The following GMDS variants were observed in gnomAD, a reference collection of about 807,000 sequenced individuals.
The protein encoded by GMDS is GDP-mannose 4,6-dehydratase.
GMDS carries 20 observed loss-of-function variants against 49.9 expected under a neutral mutation model. The observed-to-expected ratio is 0.40, with a 90% CI of 0.28 to 0.58. GMDS has a LOEUF of 0.58. Ranked by LOEUF, GMDS falls within the 20% of genes least tolerant of loss-of-function variation. The pLI is 0.42. For missense variants in GMDS, 362 were observed against 481.4 expected, an observed-to-expected ratio of 0.75 and a Z score of 2.32; for synonymous variants, 177 against 178.6, an observed-to-expected ratio of 0.99 and a Z score of 0.07.
At chr6:1,947,500 CT>C (rs1262212745) in intron 6 of GMDS, among the ~76,000 whole-genome samples, 3 of 152,168 alleles carry the variant, frequency 2.0e-5, no homozygotes, top group Non-Finnish European at 4.4e-5. Context: ...GAAAACCCAC[CT>C]TTCTTGCTGC....
chr6:2,023,290 C>T (rs1454533103), intron 4 of GMDS, among the ~76,000 whole-genome samples: 4 of 152,198 alleles, frequency 2.6e-5, no homozygotes, highest in African/African-American at 4.8e-5. Context: ...TACATATACT[C>T]GAACCTCTTT....
chr6:1,906,048 C>A (rs1424689650), intron 7 of GMDS, among the ~76,000 whole-genome samples: 1 of 151,682 alleles, frequency 6.6e-6, no homozygotes, highest in Non-Finnish European at 1.5e-5. Context: ...AAAAACGATA[C>A]AATGATCTTT....
In GMDS at chr6:1,624,486, G is replaced by A; in HGVS notation, c.1042C>T (p.Arg348Trp). 6.2e-7 allele frequency: 1 copy of A among 1,613,542 alleles called. No homozygotes were observed. Among genetic ancestry groups the A allele is most frequent in the Non-Finnish European group, 8.5e-7 (1 of 1,179,512 alleles). Residue 348 changes from arginine to tryptophan, a missense_variant, in exon 10 of 11, where the codon CGG becomes TGG. Transcript: ENST00000380815. ...KAKQKLNWKPRVAFDELVREM... is the reference protein window; with the variant it reads ...KAKQKLNWKPWVAFDELVREM... The stretch of plus-strand genomic sequence containing the variant: ...GAGATACTCACATCGAAAGCGACCC[G>A]GGGCTTCCAGTTCAGCTTCTGTTTC...
chr6:1,704,387 G>C (rs1301968143), intron 9 of GMDS, among the ~76,000 whole-genome samples: 1 of 152,096 alleles, frequency 6.6e-6, no homozygotes, highest in Admixed American at 6.5e-5. Context: ...GGGCTCCATG[G>C]GGGTGGGCAA....
chr6:1,730,054 C>T (rs916095145), intron 8 of GMDS, among the ~76,000 whole-genome samples: 5 of 151,792 alleles, frequency 3.3e-5, no homozygotes, highest in Non-Finnish European at 7.4e-5. Flanking sequence ...CTAAGTGGGG[C>T]GGGGGCAACA....
At position 1,975,662 on chromosome 6, in the gene GMDS, T is replaced by C. The variant is rs1280230593; in HGVS notation, c.346-14696A>G. On this transcript the variant is annotated intron_variant, in intron 4 of 10. Coordinates refer to ENST00000380815, the MANE Select transcript of GMDS (RefSeq NM_001500.4). ...GAAAAGTAGAAAGTCACATTAGGAATAGGAAACTGCAAGATCTCTTGGGGC... is the reference window on the plus strand; with the variant it reads ...GAAAAGTAGAAAGTCACATTAGGAACAGGAAACTGCAAGATCTCTTGGGGC... Among the ~76,000 whole-genome samples, 3 of 152,188 alleles carry C rather than the reference T, an allele frequency of 2.0e-5. No homozygotes were observed. In the East Asian group the frequency reaches 5.8e-4, roughly 29 times the overall value.
chr6:2,177,375 T>C (rs908255318), intron 1 of GMDS, among the ~76,000 whole-genome samples: 1 of 152,074 alleles, frequency 6.6e-6, no homozygotes, highest in African/African-American at 2.4e-5. Context: ...ATATCAAAAT[T>C]TGGCAGAAAA....
intron 9 of GMDS, among the ~76,000 whole-genome samples, chr6:1,713,605 GACAC>G (rs59883105): frequency 1.7e-4 from 26 of 150,892 alleles, no homozygotes; most frequent in Admixed American, 5.9e-4. Flanking sequence ...GGATCAATGG[GACAC>G]ACACACACAC....
At chr6:1,687,670 G>A (rs990818284) in intron 9 of GMDS, among the ~76,000 whole-genome samples, 1 of 152,146 alleles carries the variant, frequency 6.6e-6, no homozygotes, top group Admixed American at 6.5e-5. Context: ...GACACAAAGA[G>A]GCAGGTGAAG....
chr6:1,974,636 C>A (rs1036760433), intron 4 of GMDS, among the ~76,000 whole-genome samples: 1 of 152,108 alleles, frequency 6.6e-6, no homozygotes, highest in Admixed American at 6.5e-5. Flanking sequence ...AAAATGTCGA[C>A]AAATTGCTAA....
At chr6:2,043,041 T>G (rs1769778439) in intron 4 of GMDS, among the ~76,000 whole-genome samples, 1 of 152,170 alleles carries the variant, frequency 6.6e-6, no homozygotes, top group East Asian at 1.9e-4. Flanking sequence ...TGGACGTCTC[T>G]GGGGTTTCAT....
intron 4 of GMDS, among the ~76,000 whole-genome samples, chr6:2,007,905 AT>A (rs1318658068): frequency 6.6e-6 from 1 of 152,210 alleles, no homozygotes; most frequent in African/African-American, 2.4e-5. Flanking sequence ...TAAAGGGTAT[AT>A]TCTTTTTTCT....
At chr6:2,109,057 C>A (rs1774400294) in intron 4 of GMDS, among the ~76,000 whole-genome samples, 2 of 152,136 alleles carry the variant, frequency 1.3e-5, no homozygotes, top group South Asian at 4.1e-4. Context: ...GCAGCTAAGG[C>A]AAATGACAGG....
intron 6 of GMDS, chr6:1,951,951 AGT>A: frequency 1.0e-6 from 1 of 984,398 alleles, no homozygotes; most frequent in East Asian, 1.1e-4. Context: ...TGGCCCACTC[AGT>A]GTCACAGGGG....
intron 4 of GMDS, among the ~76,000 whole-genome samples, chr6:2,113,877 C>T (rs17134686): frequency 0.018 from 2,757 of 152,226 alleles, 74 homozygotes; most frequent in African/African-American, 0.064. Flanking sequence ...CTGAAGAGTG[C>T]CATTTCCGCC....
In GMDS at chr6:1,836,863, TGAA is replaced by T. The variant is rs1208005116; in HGVS notation, c.771+93237_771+93239del. On this transcript the variant is annotated intron_variant, in intron 7 of 10. Coordinates refer to ENST00000380815, the MANE Select transcript of GMDS (RefSeq NM_001500.4). The surrounding 1 kb of genome is among the most constrained non-coding windows in gnomAD (Gnocchi z 4.2). ...GCAAGAGCTGTCAGGAAAAAGGTAA[TGAA>T]GAAGAATAGCTTAGACAGAGGGATT... Among the ~76,000 whole-genome samples the T allele has an allele frequency of 1.3e-5, 2 of 152,224 alleles. No individual in the cohort carries two copies. Among genetic ancestry groups the T allele is most frequent in the African/African-American group, 2.4e-5 (1 of 41,466 alleles).
chr6:2,017,065 A>G (rs1561978317), intron 4 of GMDS, among the ~76,000 whole-genome samples: 1 of 152,148 alleles, frequency 6.6e-6, no homozygotes, highest in East Asian at 1.9e-4. Context: ...AAAGTAATGA[A>G]CTGGAAAGGA....
intron 4 of GMDS, among the ~76,000 whole-genome samples, chr6:2,089,310 GA>G (rs1362898241): frequency 3.9e-5 from 6 of 151,926 alleles, no homozygotes; most frequent in Non-Finnish European, 7.4e-5. Context: ...AATTTAGGAA[GA>G]AAAAATAAAA....
chr6:1,883,398 T>A (rs971669624), intron 7 of GMDS, among the ~76,000 whole-genome samples: 67 of 152,092 alleles, frequency 4.4e-4, no homozygotes, highest in Middle Eastern at 6.8e-3. Context: ...TCAAAAAAAA[T>A]AAAATAAAAT....
Sources: allele counts gnomAD v4.1 joint callset (sites outside exome capture counted in the v4.1 genomes callset), GRCh38; gene constraint gnomAD v4.1.1; non-coding constraint Gnocchi (gnomAD v3.1); transcripts MANE v1.5; gene names NCBI Gene and HGNC (gene_info 2026-07-23, HGNC 2026-07-21).